PDZD2: variants seen among roughly 807,000 people sequenced by gnomAD.
PDZD2 encodes PDZ domain-containing protein 2.
Under a neutral mutation model 220.7 loss-of-function variants are expected in PDZD2, and 90 were observed. The ratio of observed to expected loss-of-function variants is 0.41; its 90% CI spans 0.34 to 0.49. PDZD2 has a LOEUF of 0.49. PDZD2 is among the 20% of genes least tolerant of loss of function. The pLI is 0.28. For synonymous variants in PDZD2, 1,375 were observed against 1,450.5 expected, an observed-to-expected ratio of 0.95 and a Z score of 1.18; for missense variants, 3,174 against 3,608.5, an observed-to-expected ratio of 0.88 and a Z score of 3.08.
At chr5:32,101,531 C>T (rs1744257746) in intron 24 of PDZD2, among the ~76,000 whole-genome samples, 1 of 152,182 alleles carries the variant, frequency 6.6e-6, no homozygotes, top group African/African-American at 2.4e-5. Flanking sequence ...AGTCTGGCCC[C>T]AGAGCATCTG....
At chr5:31,873,018 G>A (rs1738965186) in intron 2 of PDZD2, among the ~76,000 whole-genome samples, 1 of 152,126 alleles carries the variant, frequency 6.6e-6, no homozygotes, top group Non-Finnish European at 1.5e-5. Flanking sequence ...TAAGTACACT[G>A]CGTGATTTTT....
chr5:31,648,541 G>A (rs79357219), intron 1 of PDZD2, among the ~76,000 whole-genome samples: 4,372 of 152,062 alleles, frequency 0.029, 137 homozygotes, highest in African/African-American at 0.075. Flanking sequence ...CACAGCAGCC[G>A]CCCTTGTTAA....
chr5:32,008,078 C>G (rs544508645), intron 5 of PDZD2, among the ~76,000 whole-genome samples: 1 of 150,534 alleles, frequency 6.6e-6, no homozygotes, highest in African/African-American at 2.4e-5. Flanking sequence ...CTACTTGAGG[C>G]CAGGAGTTCG....
chr5:32,098,290 T>A lies in PDZD2; in HGVS notation c.7948-74T>A, dbSNP rs1393333104. 2 of 1,411,418 alleles carry A rather than the reference T, an allele frequency of 1.4e-6. No homozygotes were observed. Among genetic ancestry groups the A allele is most frequent in the Non-Finnish European group, 2.0e-6 (2 of 1,018,334 alleles). 87.4% of individuals were successfully genotyped at this position (1,411,418 alleles called of 1,614,324 possible). On this transcript the variant is annotated intron_variant, in intron 22 of 24. Coordinates refer to ENST00000438447, the MANE Select transcript of PDZD2 (RefSeq NM_178140.4). The surrounding 1 kb of genome is among the most constrained non-coding windows in gnomAD (Gnocchi z 4.1). ...GGTTCCTTTACTACAGATACGCAGT[T>A]AGTTACTATCTCCCTTTTACCGGAA...
Position 31,733,261 on chromosome 5 carries a change from C to T in PDZD2, c.-360-65628C>T, listed in dbSNP as rs538676720. Among the ~76,000 whole-genome samples, 8 of 152,182 alleles carry T rather than the reference C, an allele frequency of 5.3e-5. No individual in the cohort carries two copies. In the South Asian group the frequency reaches 1.0e-3, roughly 20 times the overall value. On this transcript the variant is annotated intron_variant, in intron 1 of 24. Coordinates refer to ENST00000438447, the MANE Select transcript of PDZD2 (RefSeq NM_178140.4). Reference sequence around the variant, plus strand: ...ATGTTCCAATTCTTGATGGGAACAACGCTTTGTGATTTAACAGAATTTCAA... The same window carrying T: ...ATGTTCCAATTCTTGATGGGAACAATGCTTTGTGATTTAACAGAATTTCAA...
chr5:32,019,141 T>TC (rs1753998196), intron 6 of PDZD2, among the ~76,000 whole-genome samples: 1 of 100,562 alleles, frequency 9.9e-6, no homozygotes, highest in South Asian at 3.3e-4. Flanking sequence ...TAGAAAAGCT[T>TC]TTTTTTTTTT....
At chr5:32,081,878 C>T (rs1741989008) in intron 19 of PDZD2, among the ~76,000 whole-genome samples, 1 of 151,972 alleles carries the variant, frequency 6.6e-6, no homozygotes, top group South Asian at 2.1e-4. Flanking sequence ...TCCGCCACCA[C>T]GCCCAGCTGA....
rs1417929161 is a variant in PDZD2, at chr5:31,639,190, CCGGCCCCGGGCAGCGGGACGCGGCGGGG to C, written c.-603_-576del. 1.3e-5 allele frequency among the ~76,000 whole-genome samples: 2 copies of C among 151,942 alleles called. No individual in the cohort carries two copies. The highest frequency in any genetic ancestry group is 4.8e-5 in the African/African-American group (2 of 41,430). ...GAGCGGACCCCAGCGCCGGTGCGTGCCGGCCCCGGGCAGCGGGACGCGGCGGGGCGGCGGCTGCAGGCAGCCGAGGAGC... is the reference window on the plus strand; with the variant it reads ...GAGCGGACCCCAGCGCCGGTGCGTGCCGGCGGCTGCAGGCAGCCGAGGAGC... On this transcript the variant is annotated 5_prime_UTR_variant, in exon 1 of 25. Coordinates refer to ENST00000438447, the MANE Select transcript of PDZD2 (RefSeq NM_178140.4). The surrounding 1 kb of genome is among the most constrained non-coding windows in gnomAD (Gnocchi z 4.1).
chr5:31,814,803 G>A lies in PDZD2; in HGVS notation c.476+15079G>A, dbSNP rs574033396. 5.3e-5 allele frequency among the ~76,000 whole-genome samples: 8 copies of A among 150,604 alleles called. No individual in the cohort carries two copies. In the South Asian group the frequency reaches 8.5e-4, roughly 16 times the overall value. ...ACTGCACTCCTGCCTGGGTGACAGC[G>A]AGACTCCATCTAAAAAAAAAAGAAA... On this transcript the variant is annotated intron_variant, in intron 2 of 24. Transcript: ENST00000438447.
At chr5:31,744,148 G>A (rs1016513922) in intron 1 of PDZD2, 2 of 152,164 alleles carry the variant, frequency 1.3e-5, no homozygotes, top group African/African-American at 2.4e-5. Flanking sequence ...CTTTTTCTTG[G>A]CATCATTGAA....
chr5:31,757,101 T>C (rs1370606530), intron 1 of PDZD2, among the ~76,000 whole-genome samples: 3 of 151,674 alleles, frequency 2.0e-5, no homozygotes, highest in Non-Finnish European at 2.9e-5. Flanking sequence ...CTAAGCAACA[T>C]AGCAAGACCC....
At chr5:31,978,169 T>G (rs774915213) in intron 2 of PDZD2, among the ~76,000 whole-genome samples, 4 of 152,178 alleles carry the variant, frequency 2.6e-5, no homozygotes, top group Non-Finnish European at 5.9e-5. Context: ...TGGAGAAGCA[T>G]CTGAAAGACT....
intron 1 of PDZD2, among the ~76,000 whole-genome samples, chr5:31,681,120 A>G (rs1308556449): frequency 1.3e-5 from 2 of 152,212 alleles, no homozygotes; most frequent in South Asian, 2.1e-4. Flanking sequence ...ATATCACTAA[A>G]TGCTTCTGAA....
At chr5:31,816,144 T>A (rs1276234653) in intron 2 of PDZD2, among the ~76,000 whole-genome samples, 1 of 151,710 alleles carries the variant, frequency 6.6e-6, no homozygotes, top group East Asian at 1.9e-4. Flanking sequence ...AAAAATTAGC[T>A]GGGCATGGTG....
chr5:31,930,511 A>G (rs1224311878), intron 2 of PDZD2, among the ~76,000 whole-genome samples: 2 of 152,156 alleles, frequency 1.3e-5, no homozygotes, highest in East Asian at 1.9e-4. Flanking sequence ...GTATTTCCCT[A>G]TAGTGACACA....
intron 2 of PDZD2, among the ~76,000 whole-genome samples, chr5:31,882,354 G>C (rs2150337976): frequency 6.6e-6 from 1 of 152,276 alleles, no homozygotes; most frequent in East Asian, 1.9e-4. Flanking sequence ...AACTGATCGA[G>C]GCTGCCCCAT....
At chr5:31,670,460 A>G (rs539249250) in intron 1 of PDZD2, among the ~76,000 whole-genome samples, 1 of 152,280 alleles carries the variant, frequency 6.6e-6, no homozygotes, top group Non-Finnish European at 1.5e-5. Flanking sequence ...CCTGTCGCCC[A>G]GGCTGGAGTG....
chr5:32,060,187 T>A (rs574495781), intron 13 of PDZD2, among the ~76,000 whole-genome samples: 2 of 152,278 alleles, frequency 1.3e-5, no homozygotes, highest in East Asian at 1.9e-4. Context: ...TGAAAAAAAA[T>A]TTAGCAAATC....
At position 31,742,392 on chromosome 5, in the gene PDZD2, T is replaced by C. The variant is rs1056020368; in HGVS notation, c.-360-56497T>C. The C allele has an allele frequency of 4.7e-5, 7 of 149,768 alleles. 1 individual carries two copies. The highest frequency in any genetic ancestry group is 1.7e-4 in the African/African-American group (7 of 40,596). The allele number at this position is 149,768 out of a possible 1,614,324, so 9.3% of individuals were successfully genotyped here. ...GTAAATATTTGAAAATTAAGAGATATTATGTTTGAAAGTGTGACTTTTTTT... is the reference window on the plus strand; with the variant it reads ...GTAAATATTTGAAAATTAAGAGATACTATGTTTGAAAGTGTGACTTTTTTT... On this transcript the variant is annotated intron_variant, in intron 1 of 24. Transcript: ENST00000438447.
Sources: allele counts gnomAD v4.1 joint callset (sites outside exome capture counted in the v4.1 genomes callset), GRCh38; gene constraint gnomAD v4.1.1; non-coding constraint Gnocchi (gnomAD v3.1); transcripts MANE v1.5; gene names NCBI Gene and HGNC (gene_info 2026-07-23, HGNC 2026-07-21).